The following PGLYRP4 variants were observed in gnomAD, a reference collection of about 807,000 sequenced individuals.
PGLYRP4 encodes peptidoglycan recognition protein 4, also known as PGRP-I-beta.
A neutral mutation model predicts 41.2 loss-of-function variants in PGLYRP4; 39 were observed. The ratio of observed to expected loss-of-function variants is 0.95; its 90% CI spans 0.73 to 1.24. The LOEUF (loss-of-function observed/expected upper bound fraction) is 1.24. Ranked by LOEUF, PGLYRP4 falls within the 50% of genes most tolerant of loss-of-function variation. The pLI is 0.00. For missense variants in PGLYRP4, 467 were observed against 460.7 expected, an observed-to-expected ratio of 1.01 and a Z score of -0.13; for synonymous variants, 202 against 186.8, an observed-to-expected ratio of 1.08 and a Z score of -0.66.
At chr1:153,338,941 G>A (rs1030569677) in intron 7 of PGLYRP4, among the ~76,000 whole-genome samples, 2 of 152,224 alleles carry the variant, frequency 1.3e-5, no homozygotes, top group African/African-American at 4.8e-5. Flanking sequence ...AACCATATCT[G>A]TGAGGCACAT....
chr1:153,336,608 A>C lies in PGLYRP4; in HGVS notation c.943+573T>G, dbSNP rs551733781. ...TGGGAAGGTGAGAGCAGGATTAGGG[A>C]TAAGACGTTATTTAATGGGTACCAT... On this transcript the variant is annotated intron_variant, in intron 8 of 8. Transcript: ENST00000359650. Among the ~76,000 whole-genome samples the C allele has an allele frequency of 1.2e-4, 18 of 152,286 alleles. No individual in the cohort carries two copies. The East Asian group carries it at 3.5e-3, about 29-fold the overall frequency.
intron 7 of PGLYRP4, among the ~76,000 whole-genome samples, chr1:153,339,295 T>C (rs1029281990): frequency 5.3e-5 from 8 of 152,334 alleles, no homozygotes; most frequent in African/African-American, 1.9e-4. Flanking sequence ...TGGCAGGACC[T>C]AGCAAAGCAC....
At chr1:153,340,051 C>T (rs1353602263) in intron 7 of PGLYRP4, among the ~76,000 whole-genome samples, 1 of 152,210 alleles carries the variant, frequency 6.6e-6, no homozygotes, top group African/African-American at 2.4e-5. Flanking sequence ...AAAGCACAAT[C>T]TTTCGATTAT....
chr1:153,348,218 C>T (rs1661099511), intron 1 of PGLYRP4, among the ~76,000 whole-genome samples: 1 of 152,144 alleles, frequency 6.6e-6, no homozygotes, highest in South Asian at 2.1e-4. Flanking sequence ...TGTGTACACA[C>T]TTGCACATGC....
At chr1:153,344,981 A>G (rs904657305) in intron 4 of PGLYRP4, 188 bp downstream of exon 4, 1 of 585,278 alleles carries the variant, frequency 1.7e-6, no homozygotes, top group Admixed American at 3.0e-5. Context: ...GGGAGCTCTC[A>G]GAGACAGGCA....
At chr1:153,333,740 G>C (rs936105015) in intron 8 of PGLYRP4, among the ~76,000 whole-genome samples, 1 of 152,130 alleles carries the variant, frequency 6.6e-6, no homozygotes. Context: ...CTTTATTCCT[G>C]GGAAGCAGAG....
In PGLYRP4 at chr1:153,345,307, A is replaced by AGTG. The variant is rs1430340499; in HGVS notation, c.214_215insCAC (p.Gln71_Leu72insPro). On this transcript the variant is annotated inframe_insertion, in exon 4 of 9. Coordinates refer to ENST00000359650, the MANE Select transcript of PGLYRP4 (RefSeq NM_020393.4). ...AACAAGGACATTCACTGGCGTGGTCAGCTGAATACTGCAGCCAACAGCTTC... is the reference window on the plus strand; with the variant it reads ...AACAAGGACATTCACTGGCGTGGTCAGTGGCTGAATACTGCAGCCAACAGCTTC... The AGTG allele has an allele frequency of 6.2e-7, 1 of 1,614,068 alleles. No homozygotes were observed. The highest frequency in any genetic ancestry group is 8.5e-7 in the Non-Finnish European group (1 of 1,180,016).
At position 153,345,341 on chromosome 1, in the gene PGLYRP4, A is replaced by G; in HGVS notation, c.181T>C (p.Trp61Arg). ...DVSTTVSRKAWGAEAVGCSIQ... is the reference protein window; with the variant it reads ...DVSTTVSRKARGAEAVGCSIQ... ...CTGCAGCCAACAGCTTCTGCCCCCCATGCCTTGCGAGAGACCGTGGTGGAG... is the reference window on the plus strand; with the variant it reads ...CTGCAGCCAACAGCTTCTGCCCCCCGTGCCTTGCGAGAGACCGTGGTGGAG... Residue 61 changes from tryptophan to arginine, a missense_variant, in exon 4 of 9, where the codon TGG becomes CGG. Coordinates refer to ENST00000359650, the MANE Select transcript of PGLYRP4 (RefSeq NM_020393.4). 6.2e-7 allele frequency: 1 copy of G among 1,614,066 alleles called. No individual in the cohort carries two copies. Among genetic ancestry groups the G allele is most frequent in the Non-Finnish European group, 8.5e-7 (1 of 1,179,980 alleles).
intron 3 of PGLYRP4, among the ~76,000 whole-genome samples, chr1:153,345,651 C>T (rs1028580896): frequency 3.3e-5 from 5 of 152,232 alleles, no homozygotes; most frequent in African/African-American, 1.2e-4. Flanking sequence ...AGGCTCTGCA[C>T]TTCAGGAAGC....
At chr1:153,336,745 A>G (rs1427370186) in intron 8 of PGLYRP4, among the ~76,000 whole-genome samples, 7 of 152,168 alleles carry the variant, frequency 4.6e-5, no homozygotes, top group Admixed American at 2.0e-4. Context: ...TGAAAAAAAA[A>G]GTAAAATAGA....
intron 2 of PGLYRP4, among the ~76,000 whole-genome samples, chr1:153,347,162 C>T (rs1395451122): frequency 1.3e-5 from 2 of 152,076 alleles, no homozygotes; most frequent in Non-Finnish European, 2.9e-5. Context: ...CAACCTCTGC[C>T]TCCCGGGTTC....
chr1:153,331,960 C>T (rs947593096), intron 8 of PGLYRP4, among the ~76,000 whole-genome samples: 2 of 152,162 alleles, frequency 1.3e-5, no homozygotes, highest in African/African-American at 4.8e-5. Context: ...AATAAATCCT[C>T]ACATATCAAT....
intron 2 of PGLYRP4, among the ~76,000 whole-genome samples, chr1:153,347,404 C>G (rs1199429623): frequency 6.6e-6 from 1 of 151,882 alleles, no homozygotes; most frequent in African/African-American, 2.4e-5. Flanking sequence ...AGTTCTCGCT[C>G]TGTCACCCAG....
chr1:153,340,880 A>G (rs893575371), intron 6 of PGLYRP4, among the ~76,000 whole-genome samples: 1 of 152,274 alleles, frequency 6.6e-6, no homozygotes, highest in Non-Finnish European at 1.5e-5. Flanking sequence ...AATTTACTCA[A>G]GGCTTTAATA....
intron 8 of PGLYRP4, among the ~76,000 whole-genome samples, chr1:153,332,987 CA>C (rs752208836): frequency 4.0e-5 from 6 of 150,476 alleles, no homozygotes; most frequent in East Asian, 1.9e-4. Context: ...AAATCTAGAA[CA>C]AAAAAAACCC....
intron 8 of PGLYRP4, among the ~76,000 whole-genome samples, chr1:153,334,209 T>C (rs528851404): frequency 6.6e-6 from 1 of 151,780 alleles, no homozygotes; most frequent in Admixed American, 6.6e-5. Flanking sequence ...AGTTTCAAGA[T>C]ACAAAATCAA....
chr1:153,341,996 G>C (rs762907598), intron 5 of PGLYRP4, among the ~76,000 whole-genome samples: 8 of 152,100 alleles, frequency 5.3e-5, no homozygotes, highest in Non-Finnish European at 8.8e-5. Context: ...CCAAATACCT[G>C]CCAAACTTCA....
At chr1:153,348,138 G>T (rs1194477307) in intron 1 of PGLYRP4, among the ~76,000 whole-genome samples, 160 bp from the exon 2 acceptor site, 1 of 152,136 alleles carries the variant, frequency 6.6e-6, no homozygotes, top group African/African-American at 2.4e-5. Flanking sequence ...CATACAGCAG[G>T]TGCTCAGCAT....
At chr1:153,336,369 C>CAAAAAAAAAAAAAAAAAAAAAAAAAAAAA (rs58665160) in intron 8 of PGLYRP4, among the ~76,000 whole-genome samples, 1 of 76,500 alleles carries the variant, frequency 1.3e-5, no homozygotes, top group Admixed American at 2.0e-4. Flanking sequence ...GACTCCATCT[C>CAAAAAAAAAAAAAAAAAAAAAAAAAAAAA]AAAAAAAAAA....
Sources: gnomAD v4.1 joint callset for allele counts (sites outside exome capture counted in the v4.1 genomes callset) on GRCh38, gnomAD v4.1.1 for gene constraint, MANE v1.5 for transcripts, NCBI Gene and HGNC (gene_info 2026-07-23, HGNC 2026-07-21) for gene names.